MOGAT1: variants seen among roughly 807,000 people sequenced by gnomAD.
MOGAT1 encodes the protein monoacylglycerol O-acyltransferase 1, also known as 2-acylglycerol O-acyltransferase 1.
MOGAT1 carries 32 observed loss-of-function variants against 31.4 expected under a neutral mutation model. That is an observed-to-expected ratio of 1.02 (90% CI 0.77 to 1.37). The LOEUF (loss-of-function observed/expected upper bound fraction) is 1.37. Ranked by LOEUF, MOGAT1 falls within the 40% of genes most tolerant of loss-of-function variation. The pLI is 0.00. For missense variants in MOGAT1, 426 were observed against 402.0 expected (o/e 1.06, Z -0.51); for synonymous variants, 145 against 144.5 (o/e 1.00, Z -0.03).
intron 5 of MOGAT1, among the ~76,000 whole-genome samples, chr2:222,705,251 C>T (rs528235259): frequency 2.3e-4 from 35 of 152,142 alleles, no homozygotes; most frequent in Non-Finnish European, 4.9e-4. Context: ...TTACTGCAAC[C>T]TGTTTTATCA....
intron 5 of MOGAT1, chr2:222,699,038 T>C (rs1374188542): frequency 7.0e-6 from 1 of 142,424 alleles, no homozygotes; most frequent in Non-Finnish European, 1.5e-5. Flanking sequence ...GGAGTGTCAC[T>C]CTGTCGCCAG....
intron 3 of MOGAT1, among the ~76,000 whole-genome samples, chr2:222,693,229 T>G (rs1559231762): frequency 6.6e-6 from 1 of 152,240 alleles, no homozygotes; most frequent in Non-Finnish European, 1.5e-5. Context: ...AAGACTGGTT[T>G]GTATGTTTGT....
chr2:222,692,369 C>G (rs936482689), intron 3 of MOGAT1, among the ~76,000 whole-genome samples: 1 of 152,142 alleles, frequency 6.6e-6, no homozygotes, highest in Admixed American at 6.5e-5. Flanking sequence ...CAGTACCTGG[C>G]CAGTAGCAGG....
chr2:222,679,879 G>A (rs778713538), intron 1 of MOGAT1, among the ~76,000 whole-genome samples: 2 of 152,220 alleles, frequency 1.3e-5, no homozygotes, highest in Non-Finnish European at 1.5e-5. Context: ...GTCTGCCTGA[G>A]TCCGTGTAAT....
chr2:222,697,004 C>T (rs1335753639), intron 5 of MOGAT1, among the ~76,000 whole-genome samples: 2 of 152,112 alleles, frequency 1.3e-5, no homozygotes, highest in Admixed American at 6.5e-5. Flanking sequence ...TGTGCCATGA[C>T]ACTATAGCCT....
intron 5 of MOGAT1, among the ~76,000 whole-genome samples, chr2:222,701,302 G>C (rs996811090): frequency 7.5e-5 from 8 of 106,374 alleles, no homozygotes; most frequent in Non-Finnish European, 1.7e-4. Flanking sequence ...AGGAGGAGGA[G>C]AGAGAGAGAG....
At chr2:222,678,458 A>G (rs1692529603) in intron 1 of MOGAT1, among the ~76,000 whole-genome samples, 1 of 152,018 alleles carries the variant, frequency 6.6e-6, no homozygotes, top group Non-Finnish European at 1.5e-5. Context: ...GAGTTTTGAG[A>G]GTTCTTGTGT....
At chr2:222,701,418 TAAA>T (rs1251813503) in intron 5 of MOGAT1, among the ~76,000 whole-genome samples, 34 of 55,212 alleles carry the variant, frequency 6.2e-4, no homozygotes, top group African/African-American at 2.4e-3. Context: ...GAGAGAAAAA[TAAA>T]GAAAGAAAGA....
At chr2:222,680,083 AG>A (rs1329740014) in intron 1 of MOGAT1, among the ~76,000 whole-genome samples, 1 of 152,194 alleles carries the variant, frequency 6.6e-6, no homozygotes, top group Non-Finnish European at 1.5e-5. Flanking sequence ...AGTGAATAAA[AG>A]TCAATTAGCT....
intron 5 of MOGAT1, among the ~76,000 whole-genome samples, chr2:222,702,721 T>C (rs1183979546): frequency 6.6e-6 from 1 of 151,888 alleles, no homozygotes; most frequent in East Asian, 1.9e-4. Flanking sequence ...TCAAGTCACT[T>C]TTATATTCTG....
chr2:222,676,461 A>G (rs190325332), intron 1 of MOGAT1, among the ~76,000 whole-genome samples: 1 of 152,324 alleles, frequency 6.6e-6, no homozygotes, highest in East Asian at 1.9e-4. Context: ...TCTAAGCAGC[A>G]TCCTCTTGCA....
At chr2:222,689,879 T>C (rs1692731954) in intron 3 of MOGAT1, among the ~76,000 whole-genome samples, 1 of 152,330 alleles carries the variant, frequency 6.6e-6, no homozygotes, top group South Asian at 2.1e-4. Flanking sequence ...ATGTCTTTCA[T>C]TGTGTCTTGA....
In MOGAT1 at chr2:222,704,110, C is replaced by T. The variant is rs1204541866; in HGVS notation, c.854-5626C>T. On this transcript the variant is annotated intron_variant, in intron 5 of 5. Coordinates refer to ENST00000446656, the MANE Select transcript of MOGAT1 (RefSeq NM_058165.3). ...CAAAAGCTATGATTCCTGACTCTGT[C>T]ACAAGTAGGCGTTGGCAGCTTTTTT... 2.0e-5 allele frequency among the ~76,000 whole-genome samples: 3 copies of T among 152,312 alleles called. No homozygotes were observed. In the South Asian group the frequency reaches 6.2e-4, roughly 32 times the overall value.
intron 1 of MOGAT1, among the ~76,000 whole-genome samples, chr2:222,674,370 C>T (rs547222447): frequency 1.8e-4 from 27 of 152,238 alleles, no homozygotes; most frequent in African/African-American, 6.5e-4. Flanking sequence ...TACCCATGAC[C>T]TAGGTTTATA....
At chr2:222,699,467 A>G (rs1370851685) in intron 5 of MOGAT1, 2 of 133,846 alleles carry the variant, frequency 1.5e-5, no homozygotes, top group Admixed American at 1.5e-4. Flanking sequence ...GCTGGAGGAG[A>G]TTTGACCTGT....
chr2:222,679,814 C>T (rs1692551658), intron 1 of MOGAT1, among the ~76,000 whole-genome samples: 3 of 152,212 alleles, frequency 2.0e-5, no homozygotes. Context: ...CTTGAAACTT[C>T]AAGGAAGCAG....
At chr2:222,685,365 C>A (rs979624840) in intron 1 of MOGAT1, among the ~76,000 whole-genome samples, 56 of 152,256 alleles carry the variant, frequency 3.7e-4, no homozygotes, top group African/African-American at 1.3e-3. Flanking sequence ...CAGGAGCTGT[C>A]ATAAGCCCAT....
chr2:222,698,690 TCA>T (rs1192016110), intron 5 of MOGAT1: 1 of 152,258 alleles, frequency 6.6e-6, no homozygotes, highest in Admixed American at 6.5e-5. Flanking sequence ...CACCCTCCTC[TCA>T]CACACATACC....
chr2:222,689,812 C>A (rs1692731063), intron 3 of MOGAT1, among the ~76,000 whole-genome samples: 1 of 152,206 alleles, frequency 6.6e-6, no homozygotes, highest in South Asian at 2.1e-4. Context: ...AAGTAAGTGA[C>A]AAATCACACC....
Sources: gnomAD v4.1 joint callset for allele counts (sites outside exome capture counted in the v4.1 genomes callset) on GRCh38, gnomAD v4.1.1 for gene constraint, MANE v1.5 for transcripts, NCBI Gene and HGNC (gene_info 2026-07-23, HGNC 2026-07-21) for gene names.